TRPM2: variants seen among roughly 807,000 people sequenced by gnomAD.
The protein encoded by TRPM2 is estrogen-responsive element-associated gene 1 protein.
TRPM2 carries 161 observed loss-of-function variants against 174.0 expected under a neutral mutation model. That is an observed-to-expected ratio of 0.93 (90% CI 0.81 to 1.05). The LOEUF (loss-of-function observed/expected upper bound fraction) is 1.05, where lower values mean the gene tolerates loss of function less well. TRPM2 is among the 50% of genes least tolerant of loss of function. The pLI, the probability that TRPM2 is intolerant of heterozygous loss-of-function variation, is 0.00. For missense variants in TRPM2, 2,057 were observed against 2,038.0 expected (o/e 1.01, Z -0.18); for synonymous variants, 954 against 861.3 (o/e 1.11, Z -1.88).
At chr21:44,430,964 CTT>C (rs71197900) in intron 27 of TRPM2, among the ~76,000 whole-genome samples, 2 of 145,360 alleles carry the variant, frequency 1.4e-5, no homozygotes, top group Non-Finnish European at 1.5e-5. Flanking sequence ...TATTTCTCTT[CTT>C]TTTTTTTTTG....
At position 44,427,107 on chromosome 21, in the gene TRPM2, C is replaced by T. The variant is rs749742467; in HGVS notation, c.3970C>T (p.Pro1324Ser). Residue 1324 changes from proline to serine, a missense_variant, in exon 27 of 32, where the codon CCC becomes TCC. Physicochemically the swap from Pro to Ser is moderately conservative, Grantham distance 74 (BLOSUM62 -1). Transcript: ENST00000397928. ...HGPYTVQAGL[P>S]LNPMGRTGLR... ...GCCGTACACAGTGCAGGCCGGGTTG[C>T]CCCTGTGAGTGTGCCCCCTGCGGGC... 1.3e-6 allele frequency: 2 copies of T among 1,588,752 alleles called. No individual in the cohort carries two copies. The highest frequency in any genetic ancestry group is 1.3e-5 in the African/African-American group (1 of 74,722).
chr21:44,377,601 C>T, intron 6 of TRPM2, 111 bp from the exon 7 acceptor site: 14 of 1,426,672 alleles, frequency 9.8e-6, no homozygotes, highest in Non-Finnish European at 1.2e-5. Context: ...CAGGGTCTTG[C>T]CCCCCACCTC....
At position 44,376,186 on chromosome 21, in the gene TRPM2, G is replaced by A. The variant is rs960569589; in HGVS notation, c.952+173G>A. Among the ~76,000 whole-genome samples the A allele has an allele frequency of 3.9e-5, 6 of 152,120 alleles. No homozygotes were observed. Among genetic ancestry groups the A allele is most frequent in the South Asian group, 2.1e-4 (1 of 4,826 alleles). ...TGGTCACAGGTCATTCGTGGCACTCGGCAGAGAGCGCGGTGAGCTGGTCAG... is the reference window on the plus strand; with the variant it reads ...TGGTCACAGGTCATTCGTGGCACTCAGCAGAGAGCGCGGTGAGCTGGTCAG... On this transcript the variant is annotated intron_variant, in intron 6 of 31. Coordinates refer to ENST00000397928, the MANE Select transcript of TRPM2 (RefSeq NM_003307.4). The surrounding 1 kb of genome is among the most constrained non-coding windows in gnomAD (Gnocchi z 4.2).
At position 44,439,243 on chromosome 21, in the gene TRPM2, G is replaced by A. The variant is rs1475813451; in HGVS notation, c.4269+75G>A. 1.3e-5 allele frequency: 18 copies of A among 1,397,212 alleles called. No homozygotes were observed. Among genetic ancestry groups the A allele is most frequent in the Admixed American group, 1.7e-5 (1 of 57,480 alleles). 86.6% of individuals were successfully genotyped at this position (1,397,212 alleles called of 1,614,324 possible). A position where few individuals can be genotyped will look rare whatever the true frequency, so the allele number is the denominator to read the frequency against. On this transcript the variant is annotated intron_variant, in intron 30 of 31. Coordinates refer to ENST00000397928, the MANE Select transcript of TRPM2 (RefSeq NM_003307.4). This position sits in a 1 kb window ranked among gnomAD's most constrained non-coding sequence, Gnocchi z 5.1. ...AGGACAAACACAGTGTGATACTGGGGACCTGCCCCAGCACCACTGGGTGGC... is the reference window on the plus strand; with the variant it reads ...AGGACAAACACAGTGTGATACTGGGAACCTGCCCCAGCACCACTGGGTGGC...
chr21:44,404,252 C>T (rs1309907338), intron 16 of TRPM2, among the ~76,000 whole-genome samples: 1 of 151,908 alleles, frequency 6.6e-6, no homozygotes, highest in Non-Finnish European at 1.5e-5. Context: ...CACAAACATG[C>T]ATACATACAC....
At position 44,431,885 on chromosome 21, in the gene TRPM2, G is replaced by A. The variant is rs185008009; in HGVS notation, c.3975-3246G>A. ...GATTCTTGAAATTGAAATGTCCTCC[G>A]TGGCCCGTCTCTACCCTGGGTTGTT... is the stretch of plus-strand genomic sequence containing the variant. On this transcript the variant is annotated intron_variant, in intron 27 of 31. Transcript: ENST00000397928. 2.4e-4 allele frequency among the ~76,000 whole-genome samples: 36 copies of A among 152,226 alleles called. No individual in the cohort carries two copies. In the South Asian group the frequency reaches 4.1e-3, roughly 18 times the overall value.
At position 44,438,079 on chromosome 21, in the gene TRPM2, A is replaced by C. The variant is rs150536188; in HGVS notation, c.4167+912A>C. Reference sequence around the variant, plus strand: ...CCACGGTGTGCAGGGCAGCAGTGCCACAAGGGCCTCTGGGCAGGAACGGGG... The same window carrying C: ...CCACGGTGTGCAGGGCAGCAGTGCCCCAAGGGCCTCTGGGCAGGAACGGGG... On this transcript the variant is annotated intron_variant, in intron 29 of 31. Transcript: ENST00000397928. This position sits in a 1 kb window ranked among gnomAD's most constrained non-coding sequence, Gnocchi z 5.9. Among the ~76,000 whole-genome samples the C allele has an allele frequency of 1.8e-3, 269 of 152,344 alleles. No individual in the cohort carries two copies. Among genetic ancestry groups the C allele is most frequent in the African/African-American group, 6.1e-3 (255 of 41,582 alleles).
chr21:44,409,623 T>C (rs939001056), intron 19 of TRPM2, among the ~76,000 whole-genome samples: 40 of 129,780 alleles, frequency 3.1e-4, no homozygotes, highest in African/African-American at 9.8e-4. Context: ...GAGTTTTGAC[T>C]GCACTGTCTT....
In TRPM2 at chr21:44,440,858, G is replaced by A. The variant is rs147625236; in HGVS notation, c.4339G>A (p.Val1447Ile). Reference sequence around the variant, plus strand: ...CTGGATCGAGACGGTGGCCGTCAGCGTCCACTTCCAGGACCAGAATGACGT... The same window carrying A: ...CTGGATCGAGACGGTGGCCGTCAGCATCCACTTCCAGGACCAGAATGACGT... ...NAWIETVAVS[V>I]HFQDQNDVEL... is the part of the protein sequence containing the mutation. Residue 1447 changes from valine to isoleucine, a missense_variant, in exon 31 of 32, where the codon GTC becomes ATC. Val to Ile is a conservative substitution (Grantham distance 29). Coordinates refer to ENST00000397928, the MANE Select transcript of TRPM2 (RefSeq NM_003307.4). 125 of 1,613,916 alleles carry A rather than the reference G, an allele frequency of 7.7e-5. No individual in the cohort carries two copies. Among genetic ancestry groups the A allele is most frequent in the Admixed American group, 1.2e-4 (7 of 60,024 alleles).
chr21:44,368,912 C>T (rs1367384724), intron 4 of TRPM2, among the ~76,000 whole-genome samples: 2 of 152,164 alleles, frequency 1.3e-5, no homozygotes, highest in Non-Finnish European at 2.9e-5. Context: ...CAGAGAGGTG[C>T]TGAGAACCGC....
In TRPM2 at chr21:44,436,928, T is replaced by G; in HGVS notation, c.4062-134T>G. ...AGTCTTTTCCCTGGGGATGAAGAAC[T>G]TGAAAAAGAACACGGTTTGAGCCTG... On this transcript the variant is annotated intron_variant, in intron 28 of 31. Coordinates refer to ENST00000397928, the MANE Select transcript of TRPM2 (RefSeq NM_003307.4). The G allele has an allele frequency of 4.3e-6, 3 of 696,564 alleles. No homozygotes were observed. In the South Asian group the frequency reaches 5.6e-5, roughly 13 times the overall value. 43.1% of individuals were successfully genotyped at this position (696,564 alleles called of 1,614,324 possible). A position where few individuals can be genotyped will look rare whatever the true frequency, so the allele number is the denominator to read the frequency against.
chr21:44,409,627 C>T (rs1353390300), intron 19 of TRPM2, among the ~76,000 whole-genome samples: 2 of 147,616 alleles, frequency 1.4e-5, no homozygotes, highest in African/African-American at 5.1e-5. Flanking sequence ...TTTGACTGCA[C>T]TGTCTTGGCG....
intron 19 of TRPM2, among the ~76,000 whole-genome samples, chr21:44,407,524 G>A (rs1166660353): frequency 1.4e-5 from 2 of 142,500 alleles, no homozygotes; most frequent in East Asian, 2.1e-4. Context: ...GCACCTGTCA[G>A]TGGTTTTCAG....
At chr21:44,422,138 C>T (rs2050572616) in intron 22 of TRPM2, 4 of 1,040,910 alleles carry the variant, frequency 3.8e-6, no homozygotes, top group Non-Finnish European at 5.4e-6. Flanking sequence ...CAGCCCGTAC[C>T]AAGGGCCCTA....
At chr21:44,374,017 T>C (rs553421613) in intron 5 of TRPM2, among the ~76,000 whole-genome samples, 9 of 148,052 alleles carry the variant, frequency 6.1e-5, no homozygotes, top group South Asian at 2.1e-4. Flanking sequence ...CTCTCTCTCT[T>C]TTTTTTTTTT....
rs554994531 is a variant in TRPM2 at position 44,435,317 on chromosome 21, C to A, written c.4061+100C>A. On this transcript the variant is annotated intron_variant, in intron 28 of 31. Transcript: ENST00000397928. ...GCCCAGTGCTCAGGGGCCGGGAGGG[C>A]GGCTTTGATGCTTGGCACTTGGTGC... 2.9e-5 allele frequency: 38 copies of A among 1,330,552 alleles called. No homozygotes were observed. The East Asian group carries it at 8.0e-4, about 28-fold the overall frequency. 82.4% of individuals were successfully genotyped at this position (1,330,552 alleles called of 1,614,324 possible).
intron 2 of TRPM2, among the ~76,000 whole-genome samples, chr21:44,355,065 C>G (rs1335703975): frequency 1.8e-4 from 28 of 152,056 alleles, no homozygotes; most frequent in Admixed American, 1.8e-3. Flanking sequence ...ATTTCCACAC[C>G]TGCCCCCACC....
chr21:44,421,862 C>T lies in TRPM2; in HGVS notation c.3462-1783C>T, dbSNP rs149526740. 4.3e-4 allele frequency among the ~76,000 whole-genome samples: 65 copies of T among 152,244 alleles called. 1 individual carries two copies. In the East Asian group the frequency reaches 0.011, roughly 26 times the overall value. On this transcript the variant is annotated intron_variant, in intron 22 of 31. Transcript: ENST00000397928. ...AGGCCAGGGGTTCGAGGCTGCAGTG[C>T]GCCATGATGGTGCCACTGCACTGCA...
At chr21:44,358,948 G>A (rs556426500) in intron 2 of TRPM2, among the ~76,000 whole-genome samples, 2 of 152,130 alleles carry the variant, frequency 1.3e-5, no homozygotes, top group Admixed American at 6.5e-5. Context: ...TCCTCAGCGT[G>A]AAAGGGGACC....
Sources: gnomAD v4.1 joint callset for allele counts (sites outside exome capture counted in the v4.1 genomes callset) on GRCh38, gnomAD v4.1.1 for gene constraint, Gnocchi (gnomAD v3.1) non-coding constraint, MANE v1.5 for transcripts, NCBI Gene and HGNC (gene_info 2026-07-23, HGNC 2026-07-21) for gene names.